MRC2: variants seen among roughly 807,000 people sequenced by gnomAD.
The protein encoded by MRC2 is C-type mannose receptor 2.
A neutral mutation model predicts 206.2 loss-of-function variants in MRC2; 84 were observed. The observed-to-expected ratio is 0.41, with a 90% CI of 0.34 to 0.49. The LOEUF (loss-of-function observed/expected upper bound fraction) is 0.49, where lower values mean the gene tolerates loss of function less well. Among genes scored for constraint, MRC2 ranks in the 20% least tolerant of loss-of-function variants. The pLI, the probability that MRC2 is intolerant of heterozygous loss-of-function variation, is 0.31. For synonymous variants in MRC2, 798 were observed against 800.0 expected, an observed-to-expected ratio of 1.00 and a Z score of 0.04; for missense variants, 1,676 against 2,001.5, an observed-to-expected ratio of 0.84 and a Z score of 3.10.
At position 62,692,001 on chromosome 17, in the gene MRC2, C is replaced by T. The variant is rs1269706299; in HGVS notation, c.4193-111C>T. ...GTAGGATGGGAGGGGGAACTAGAGC[C>T]TCTTTCTCCCCAGACCTCCCGGCCC... On this transcript the variant is annotated intron_variant, in intron 28 of 29. Transcript: ENST00000303375. The surrounding 1 kb of genome is among the most constrained non-coding windows in gnomAD (Gnocchi z 4.2). 5.6e-6 allele frequency: 8 copies of T among 1,424,258 alleles called. No homozygotes were observed. The highest frequency in any genetic ancestry group is 1.4e-5 in the African/African-American group (1 of 70,912). 88.2% of individuals were successfully genotyped at this position (1,424,258 alleles called of 1,614,324 possible). A position where few individuals can be genotyped will look rare whatever the true frequency, so the allele number is the denominator to read the frequency against.
intron 1 of MRC2, among the ~76,000 whole-genome samples, chr17:62,649,040 G>A (rs970398452): frequency 1.7e-4 from 26 of 152,218 alleles, no homozygotes; most frequent in African/African-American, 4.8e-4. Context: ...TCTTATTCGT[G>A]TCCTTCCCAA....
In MRC2 at chr17:62,680,749, G is replaced by C. The variant is rs777374822; in HGVS notation, c.2474-51G>C. On this transcript the variant is annotated intron_variant, in intron 16 of 29. Coordinates refer to ENST00000303375, the MANE Select transcript of MRC2 (RefSeq NM_006039.5). The surrounding 1 kb of genome is among the most constrained non-coding windows in gnomAD (Gnocchi z 4.8). Reference sequence around the variant, plus strand: ...CTGCCGCGCCCGCCTCCGGGGCCTGGCGTGCAGCCTCTGCCTGGCCGCCGC... The same window carrying C: ...CTGCCGCGCCCGCCTCCGGGGCCTGCCGTGCAGCCTCTGCCTGGCCGCCGC... The C allele has an allele frequency of 6.8e-7, 1 of 1,472,918 alleles. No homozygotes were observed. The highest frequency in any genetic ancestry group is 9.0e-7 in the Non-Finnish European group (1 of 1,115,870). The allele number at this position is 1,472,918 out of a possible 1,614,324, so 91.2% of individuals were successfully genotyped here. A position where few individuals can be genotyped will look rare whatever the true frequency, so the allele number is the denominator to read the frequency against.
chr17:62,657,184 A>G (rs1250387268), intron 1 of MRC2, among the ~76,000 whole-genome samples: 5 of 152,206 alleles, frequency 3.3e-5, no homozygotes, highest in African/African-American at 4.8e-5. Context: ...AGGCAGCTCA[A>G]TGAGGTCACA....
chr17:62,653,219 T>A (rs1598975394), intron 1 of MRC2, among the ~76,000 whole-genome samples: 1 of 152,122 alleles, frequency 6.6e-6, no homozygotes, highest in Non-Finnish European at 1.5e-5. Context: ...CCGAAAATAC[T>A]GTGATGCTTT....
intron 1 of MRC2, among the ~76,000 whole-genome samples, chr17:62,664,000 C>T (rs1180966960): frequency 6.8e-6 from 1 of 146,280 alleles, no homozygotes; most frequent in Non-Finnish European, 1.5e-5. Flanking sequence ...CGCTCTGTCG[C>T]CCAGGCTGGA....
intron 13 of MRC2, among the ~76,000 whole-genome samples, chr17:62,679,057 T>C (rs2147480301): frequency 6.6e-6 from 1 of 152,180 alleles, no homozygotes; most frequent in South Asian, 2.1e-4. Flanking sequence ...TCCTGAGAGA[T>C]AGGAGGAGAA....
At position 62,690,285 on chromosome 17, in the gene MRC2, C is replaced by T. The variant is rs780755465; in HGVS notation, c.3872C>T (p.Ala1291Val). The T allele has an allele frequency of 9.3e-6, 15 of 1,611,442 alleles. No individual in the cohort carries two copies. The highest frequency in any genetic ancestry group is 2.7e-5 in the African/African-American group (2 of 74,900). Reference sequence around the variant, plus strand: ...GAGCTGCTGCTGGGCCACAAGGAGGCGCGACAGCGCTGCCAGAGAGGTGGG... The same window carrying T: ...GAGCTGCTGCTGGGCCACAAGGAGGTGCGACAGCGCTGCCAGAGAGGTGGG... ...HMELLLGHKEARQRCQRAGGA... is the reference protein window; with the variant it reads ...HMELLLGHKEVRQRCQRAGGA... Residue 1291 changes from alanine to valine, a missense_variant, in exon 26 of 30, where the codon GCG becomes GTG. Coordinates refer to ENST00000303375, the MANE Select transcript of MRC2 (RefSeq NM_006039.5).
chr17:62,643,899 T>C (rs1445669578), intron 1 of MRC2, among the ~76,000 whole-genome samples: 3 of 152,176 alleles, frequency 2.0e-5, no homozygotes, highest in Non-Finnish European at 2.9e-5. Context: ...TGCTGAAATG[T>C]TAAGTGAAAA....
At chr17:62,632,056 C>A (rs940642744) in intron 1 of MRC2, among the ~76,000 whole-genome samples, 1 of 152,108 alleles carries the variant, frequency 6.6e-6, no homozygotes, top group Non-Finnish European at 1.5e-5. Context: ...CGCCTGGGTC[C>A]TGTGAATCTG....
At chr17:62,659,321 C>T (rs2088654035) in intron 1 of MRC2, among the ~76,000 whole-genome samples, 1 of 152,156 alleles carries the variant, frequency 6.6e-6, no homozygotes, top group African/African-American at 2.4e-5. Flanking sequence ...GGGAGGCTCA[C>T]CTGAGGTCAG....
chr17:62,628,189 G>A (rs1002725432), intron 1 of MRC2, among the ~76,000 whole-genome samples: 5 of 152,000 alleles, frequency 3.3e-5, no homozygotes, highest in African/African-American at 7.2e-5. Flanking sequence ...GACTCCAGCA[G>A]CCTAGGAGGA....
intron 18 of MRC2, chr17:62,681,496 C>T: frequency 2.2e-6 from 1 of 461,484 alleles, no homozygotes; most frequent in Non-Finnish European, 3.8e-6. Context: ...TTGGTGCCTA[C>T]TTACCATGTA....
intron 1 of MRC2, among the ~76,000 whole-genome samples, chr17:62,654,201 A>G (rs2088591172): frequency 6.6e-6 from 1 of 152,006 alleles, no homozygotes; most frequent in Non-Finnish European, 1.5e-5. Context: ...CCACCCTGCC[A>G]TGCCCTCAGG....
intron 1 of MRC2, among the ~76,000 whole-genome samples, chr17:62,653,732 G>T (rs2088585106): frequency 6.6e-6 from 1 of 152,118 alleles, no homozygotes; most frequent in Non-Finnish European, 1.5e-5. Flanking sequence ...GGGATGGAGG[G>T]GCTGTTGGGG....
At position 62,681,800 on chromosome 17, in the gene MRC2, C is replaced by T. The variant is rs191543417; in HGVS notation, c.2703-37C>T. ...CATCCGGTGGAGGCCCAGCTGGGGG[C>T]CGGTGCTGGAGTTACCTCTGCTCCA... On this transcript the variant is annotated intron_variant, in intron 18 of 29. Coordinates refer to ENST00000303375, the MANE Select transcript of MRC2 (RefSeq NM_006039.5). The T allele has an allele frequency of 4.8e-4, 743 of 1,533,166 alleles. 7 individuals are homozygous for T. Among genetic ancestry groups the T allele is most frequent in the Non-Finnish European group, 2.9e-5 (32 of 1,114,996 alleles). 95.0% of individuals were successfully genotyped at this position (1,533,166 alleles called of 1,614,324 possible). A position where few individuals can be genotyped will look rare whatever the true frequency, so the allele number is the denominator to read the frequency against.
intron 1 of MRC2, among the ~76,000 whole-genome samples, chr17:62,653,390 G>A (rs1414598848): frequency 2.6e-5 from 4 of 152,070 alleles, no homozygotes; most frequent in African/African-American, 9.7e-5. Context: ...CCCCCGGGGC[G>A]GGGTCTGGAG....
Position 62,692,777 on chromosome 17 carries a change from C to A in MRC2, c.*326C>A. The A allele has an allele frequency of 3.1e-6, 1 of 326,878 alleles. No homozygotes were observed. Among genetic ancestry groups the A allele is most frequent in the Non-Finnish European group, 5.9e-6 (1 of 170,466 alleles). The allele number at this position is 326,878 out of a possible 1,614,324, so 20.2% of individuals were successfully genotyped here. ...CTCTTTCTCCCCAGAGCCCCCGGCC[C>A]AGGCCTGTTGATCCGCGCCCCAGGA... On this transcript the variant is annotated 3_prime_UTR_variant, in exon 30 of 30. Coordinates refer to ENST00000303375, the MANE Select transcript of MRC2 (RefSeq NM_006039.5). The surrounding 1 kb of genome is among the most constrained non-coding windows in gnomAD (Gnocchi z 4.2).
intron 1 of MRC2, among the ~76,000 whole-genome samples, chr17:62,658,125 C>T (rs1031747652): frequency 6.6e-6 from 1 of 152,196 alleles, no homozygotes; most frequent in Non-Finnish European, 1.5e-5. Context: ...TTCAGTGCCT[C>T]CTCCACATTG....
intron 1 of MRC2, among the ~76,000 whole-genome samples, chr17:62,628,387 G>C (rs2084187789): frequency 6.6e-6 from 1 of 152,122 alleles, no homozygotes; most frequent in Admixed American, 6.5e-5. Context: ...CTATCCGCGA[G>C]GGTTCGTTTC....
Sources: gnomAD v4.1 joint callset for allele counts (sites outside exome capture counted in the v4.1 genomes callset) on GRCh38, gnomAD v4.1.1 for gene constraint, Gnocchi (gnomAD v3.1) non-coding constraint, MANE v1.5 for transcripts, NCBI Gene and HGNC (gene_info 2026-07-23, HGNC 2026-07-21) for gene names.